The following CD300E variants were observed in gnomAD, a reference collection of about 807,000 sequenced individuals.
CD300E encodes CD300e molecule, also known as CMRF35-like molecule 2.
A neutral mutation model predicts 20.9 loss-of-function variants in CD300E; 14 were observed. That is an observed-to-expected ratio of 0.67 (90% CI 0.44 to 1.05). The LOEUF is 1.05. Among genes scored for constraint, CD300E ranks in the 50% least tolerant of loss-of-function variants. The pLI is 0.00. For missense variants in CD300E, 237 were observed against 253.9 expected (o/e 0.93, Z 0.45); for synonymous variants, 102 against 103.7 (o/e 0.98, Z 0.10).
rs771522685 is a variant in CD300E, at chr17:74,612,647, C to T, written c.*6G>A. ...GGGCTCTGCAGGGCTTCGGGTCAGCCTGGCTCTATCTTCCAGGAGGAGCCC... is the reference window on the plus strand; with the variant it reads ...GGGCTCTGCAGGGCTTCGGGTCAGCTTGGCTCTATCTTCCAGGAGGAGCCC... On this transcript the variant is annotated 3_prime_UTR_variant, in exon 4 of 4. Transcript: ENST00000392619. The T allele has an allele frequency of 6.8e-6, 11 of 1,613,178 alleles. No homozygotes were observed. The South Asian group carries it at 1.2e-4, about 18-fold the overall frequency.
intron 1 of CD300E, among the ~76,000 whole-genome samples, chr17:74,619,625 TACAC>T (rs992348148): frequency 6.7e-6 from 1 of 149,602 alleles, no homozygotes; most frequent in Non-Finnish European, 1.5e-5. Flanking sequence ...CACACACACA[TACAC>T]ACACACACAC....
At chr17:74,622,470 GA>G (rs1295811332) in intron 1 of CD300E, among the ~76,000 whole-genome samples, 1 of 152,024 alleles carries the variant, frequency 6.6e-6, no homozygotes, top group African/African-American at 2.4e-5. Flanking sequence ...CACCCTTCTA[GA>G]AAGAATCTTG....
In CD300E at chr17:74,623,612, G is replaced by A. The variant is rs116269002; in HGVS notation, c.10C>T (p.Leu4Phe). ...AGGCAGAGAAGGAGTAGAGCTGGGA[G>A]CAGCCACATGTTCCTGTCTCCTTGG... MWL[L>F]PALLLLCLSG... Residue 4 changes from leucine (L) to phenylalanine (F), a missense_variant, in exon 1 of 4, where the codon CTC becomes TTC. Coordinates refer to ENST00000392619, the MANE Select transcript of CD300E (RefSeq NM_181449.3). The A allele has an allele frequency of 6.4e-4, 1,026 of 1,614,174 alleles. 11 individuals carry two copies. In the African/African-American group the frequency reaches 0.012, roughly 19 times the overall value.
chr17:74,618,742 A>G (rs536154880), intron 1 of CD300E, among the ~76,000 whole-genome samples: 2 of 152,096 alleles, frequency 1.3e-5, no homozygotes, highest in Admixed American at 6.5e-5. Flanking sequence ...GCTTGGCCTG[A>G]GACAATCTCA....
chr17:74,620,011 A>C (rs1276807304), intron 1 of CD300E, among the ~76,000 whole-genome samples: 1 of 152,246 alleles, frequency 6.6e-6, no homozygotes, highest in Non-Finnish European at 1.5e-5. Context: ...AATTCAAATT[A>C]ATCTTCTGAA....
At chr17:74,621,519 T>C (rs2031021743) in intron 1 of CD300E, among the ~76,000 whole-genome samples, 1 of 152,204 alleles carries the variant, frequency 6.6e-6, no homozygotes, top group South Asian at 2.1e-4. Flanking sequence ...CTCAAGGAAA[T>C]CCAGCATGTT....
chr17:74,615,464 G>A (rs952594506), intron 2 of CD300E, among the ~76,000 whole-genome samples: 4 of 150,542 alleles, frequency 2.7e-5, no homozygotes, highest in Non-Finnish European at 4.4e-5. Flanking sequence ...AAGTGGAGAA[G>A]GAAAGAAACT....
chr17:74,612,798 G>T (rs757633079), intron 3 of CD300E, 25 bp from the exon 4 acceptor site: 10 of 1,612,424 alleles, frequency 6.2e-6, no homozygotes, highest in Non-Finnish European at 8.5e-6. Flanking sequence ...GTGAAAATGA[G>T]TCACTTCCCC....
intron 1 of CD300E, among the ~76,000 whole-genome samples, chr17:74,620,640 C>CA (rs34942098): frequency 4.4e-4 from 56 of 127,238 alleles, no homozygotes; most frequent in South Asian, 5.0e-4. Context: ...AGACTCCGGC[C>CA]AAAAAAAAAA....
intron 3 of CD300E, among the ~76,000 whole-genome samples, chr17:74,613,425 G>C (rs760647882): frequency 1.3e-5 from 2 of 152,160 alleles, no homozygotes; most frequent in African/African-American, 2.4e-5. Flanking sequence ...TTCCACTCCA[G>C]CTCCTTGTTC....
chr17:74,613,983 G>A lies in CD300E; in HGVS notation c.439C>T (p.Leu147=). ...TTHPATPPIF[L]VVNPGRNLST... ...AGGTTTCGCCCAGGGTTCACCACCA[G>A]GAAGATGGGAGGTGTGGCTGGATGT... The change falls in exon 3 of 4, where the codon CTG becomes TTG. Residue 147 remains leucine (L), a synonymous_variant. Transcript: ENST00000392619. 1 of 1,614,102 alleles carries A rather than the reference G, an allele frequency of 6.2e-7. No homozygotes were observed. The highest frequency in any genetic ancestry group is 8.5e-7 in the Non-Finnish European group (1 of 1,179,990).
chr17:74,613,359 C>T (rs2030826764), intron 3 of CD300E, among the ~76,000 whole-genome samples: 1 of 152,262 alleles, frequency 6.6e-6, no homozygotes, highest in Non-Finnish European at 1.5e-5. Context: ...GCCTCGGCCT[C>T]CCAAACTGTT....
At chr17:74,621,485 T>C (rs1012436523) in intron 1 of CD300E, among the ~76,000 whole-genome samples, 1 of 152,258 alleles carries the variant, frequency 6.6e-6, no homozygotes, top group Non-Finnish European at 1.5e-5. Flanking sequence ...GCTAGAGTGT[T>C]ACCTGAATGC....
At chr17:74,619,292 C>A (rs1289323164) in intron 1 of CD300E, 1 of 374,248 alleles carries the variant, frequency 2.7e-6, no homozygotes, top group Non-Finnish European at 5.4e-6. Flanking sequence ...GGGATCCTTG[C>A]TGGAGAGCTT....
intron 1 of CD300E, among the ~76,000 whole-genome samples, chr17:74,621,513 A>G (rs1188497846): frequency 8.5e-5 from 13 of 152,228 alleles, no homozygotes; most frequent in Admixed American, 8.5e-4. Flanking sequence ...GCATTTCTCA[A>G]GGAAATCCAG....
intron 1 of CD300E, among the ~76,000 whole-genome samples, chr17:74,620,105 G>A (rs370951243): frequency 1.2e-4 from 18 of 152,368 alleles, no homozygotes; most frequent in African/African-American, 3.6e-4. Flanking sequence ...TTGGGAGGCC[G>A]AGGCAGGCGG....
chr17:74,619,456 T>C (rs2030973437), intron 1 of CD300E: 2 of 189,818 alleles, frequency 1.1e-5, no homozygotes, highest in African/African-American at 4.7e-5. Flanking sequence ...AAAAAGTCTT[T>C]AATTCCTCAA....
At position 74,612,226 on chromosome 17, in the gene CD300E, T is replaced by TCG. The variant is rs2030794794; in HGVS notation, c.*426_*427insCG. 8.7e-6 allele frequency: 1 copy of TCG among 114,898 alleles called. No individual in the cohort carries two copies. The highest frequency in any genetic ancestry group is 1.7e-5 in the Non-Finnish European group (1 of 60,174). 7.1% of individuals were successfully genotyped at this position (114,898 alleles called of 1,614,324 possible). A position where few individuals can be genotyped will look rare whatever the true frequency, so the allele number is the denominator to read the frequency against. On this transcript the variant is annotated 3_prime_UTR_variant, in exon 4 of 4. Transcript: ENST00000392619. ...TTCTCTCTCTCTCTCTCTCTCTCGC[T>TCG]CTCTCTCTCTCTCTCTCTCTGTCTC...
rs1254953968 is a variant in CD300E at position 74,623,722 on chromosome 17, G to A, written c.-101C>T. On this transcript the variant is annotated 5_prime_UTR_variant, in exon 1 of 4. Coordinates refer to ENST00000392619, the MANE Select transcript of CD300E (RefSeq NM_181449.3). ...GGTCATCCACTTTCTACTTGTCCAA[G>A]TTTCCTTTGTGTTCTCACTCATCTA... 1 of 1,264,814 alleles carries A rather than the reference G, an allele frequency of 7.9e-7. No homozygotes were observed. Among genetic ancestry groups the A allele is most frequent in the Non-Finnish European group, 1.2e-6 (1 of 862,062 alleles). The allele number at this position is 1,264,814 out of a possible 1,614,324, so 78.3% of individuals were successfully genotyped here.
Sources: gnomAD v4.1 joint callset for allele counts (sites outside exome capture counted in the v4.1 genomes callset) on GRCh38, gnomAD v4.1.1 for gene constraint, MANE v1.5 for transcripts, NCBI Gene and HGNC (gene_info 2026-07-23, HGNC 2026-07-21) for gene names.